Variants in CORO2B observed in about 807,000 individuals in gnomAD.
The protein encoded by CORO2B is coronin 2B.
Under a neutral mutation model 58.8 loss-of-function variants are expected in CORO2B, and 26 were observed. The ratio of observed to expected loss-of-function variants is 0.44; its 90% CI spans 0.32 to 0.61. The LOEUF (loss-of-function observed/expected upper bound fraction) is 0.61, where lower values mean the gene tolerates loss of function less well. Ranked by LOEUF, CORO2B falls within the 20% of genes least tolerant of loss-of-function variation. The pLI is 0.04. For missense variants in CORO2B, 460 were observed against 645.1 expected, an observed-to-expected ratio of 0.71 and a Z score of 3.11; for synonymous variants, 242 against 253.8, an observed-to-expected ratio of 0.95 and a Z score of 0.44.
intron 1 of CORO2B, among the ~76,000 whole-genome samples, chr15:68,586,745 T>G (rs1595952839): frequency 6.6e-6 from 1 of 151,772 alleles, no homozygotes; most frequent in Non-Finnish European, 1.5e-5. Context: ...ATAGGGAGGG[T>G]GGCCTGACCC....
At chr15:68,554,437 G>A in the CORO2B span, among the ~76,000 whole-genome samples, 336 of 152,254 alleles carry the variant, frequency 2.2e-3, no homozygotes, top group African/African-American at 7.6e-3. Flanking sequence ...CCAGCTGCCA[G>A]AGTCTAAGCT....
chr15:68,725,275 A>G (rs1208032949), intron 11 of CORO2B, among the ~76,000 whole-genome samples: 1 of 152,170 alleles, frequency 6.6e-6, no homozygotes, highest in Non-Finnish European at 1.5e-5. Context: ...AGGCTGAGGC[A>G]GGAGAATTGT....
At chr15:68,534,998 T>C in the CORO2B span, among the ~76,000 whole-genome samples, 7 of 152,240 alleles carry the variant, frequency 4.6e-5, 1 homozygote, top group Admixed American at 3.3e-4. Flanking sequence ...GATTCAGTTA[T>C]CTCCCACTGG....
intron 5 of CORO2B, 22 bp downstream of exon 5, chr15:68,711,728 G>C: frequency 6.2e-7 from 1 of 1,613,504 alleles, no homozygotes; most frequent in Non-Finnish European, 8.5e-7. Flanking sequence ...CATTTTTTGA[G>C]ATTGAAGGGG....
the CORO2B span, among the ~76,000 whole-genome samples, chr15:68,519,961 G>T: frequency 2.0e-5 from 3 of 152,086 alleles, no homozygotes; most frequent in African/African-American, 7.2e-5. Context: ...CATAAGTTTT[G>T]ATATATAATA....
intron 1 of CORO2B, among the ~76,000 whole-genome samples, chr15:68,585,448 C>G (rs780480351): frequency 8.5e-5 from 13 of 152,204 alleles, no homozygotes; most frequent in Non-Finnish European, 1.5e-5. Flanking sequence ...GGGGTAGATT[C>G]TATTATCCAT....
At chr15:68,708,570 G>A (rs1192954086) in intron 3 of CORO2B, among the ~76,000 whole-genome samples, 4 of 151,742 alleles carry the variant, frequency 2.6e-5, no homozygotes, top group African/African-American at 7.3e-5. Context: ...CTCCGTGTTA[G>A]CCAGGATGGT....
chr15:68,695,155 C>A lies in CORO2B; in HGVS notation c.232C>A (p.Pro78Thr), dbSNP rs1273892968. The A allele has an allele frequency of 3.7e-6, 6 of 1,613,760 alleles. No homozygotes were observed. Among genetic ancestry groups the A allele is most frequent in the Admixed American group, 1.7e-5 (1 of 59,992 alleles). ...IPLEQTGRIE[P>T]NYPKVCGHQG... The stretch of plus-strand genomic sequence containing the variant: ...TCCTCTGCAGACAGGCAGGATTGAA[C>A]CCAACTACCCCAAGGTCTGCGGCCA... Residue 78 changes from proline to threonine, a missense_variant, in exon 3 of 12, where the codon CCC becomes ACC. Around this residue, in one of 2 missense-constraint regions of CORO2B, gnomAD observed 352 missense variants for 543.0 expected, o/e 0.65. Transcript: ENST00000261861.
At chr15:68,603,777 G>A in intron 1 of CORO2B, among the ~76,000 whole-genome samples, 1 of 152,144 alleles carries the variant, frequency 6.6e-6, no homozygotes, top group East Asian at 1.9e-4. Context: ...CTTGATGTTG[G>A]ACTTACAGCC....
chr15:68,584,848 C>T (rs1239542878), intron 1 of CORO2B, among the ~76,000 whole-genome samples: 2 of 152,058 alleles, frequency 1.3e-5, no homozygotes, highest in African/African-American at 2.4e-5. Flanking sequence ...GCAGGCCTTG[C>T]CAGGGAAGGA....
intron 2 of CORO2B, among the ~76,000 whole-genome samples, chr15:68,648,288 C>T (rs188897628): frequency 9.5e-5 from 14 of 146,628 alleles, no homozygotes; most frequent in East Asian, 4.1e-4. Context: ...GGCGAGATTG[C>T]GCTACTGCAC....
chr15:68,707,942 T>G, intron 3 of CORO2B, among the ~76,000 whole-genome samples: 2 of 149,094 alleles, frequency 1.3e-5, no homozygotes, highest in Non-Finnish European at 3.0e-5. Context: ...CCTCCCCCAA[T>G]TCCCCCCCTC....
At chr15:68,587,443 G>A (rs764354962) in intron 1 of CORO2B, among the ~76,000 whole-genome samples, 7 of 152,140 alleles carry the variant, frequency 4.6e-5, no homozygotes, top group Non-Finnish European at 1.0e-4. Context: ...ATTTAACTCC[G>A]GAGATGTCTG....
the CORO2B span, among the ~76,000 whole-genome samples, chr15:68,571,695 C>T: frequency 6.6e-6 from 1 of 152,184 alleles, no homozygotes; most frequent in East Asian, 1.9e-4. Flanking sequence ...TCGCCCAAGG[C>T]ACTGCACAAG....
intron 1 of CORO2B, among the ~76,000 whole-genome samples, chr15:68,605,077 A>G (rs886509251): frequency 5.3e-5 from 8 of 151,734 alleles, no homozygotes; most frequent in Non-Finnish European, 7.4e-5. Context: ...TCATGCCACT[A>G]CACTCCAGTC....
rs988807241 is a variant in CORO2B at position 68,710,560 on chromosome 15, A to G, written c.334-172A>G. ...GAGATGGTCTCCTTCCTCTCCAGCC[A>G]CACCCTGAGACCTCCCAGCAGGCCT... On this transcript the variant is annotated intron_variant, in intron 3 of 11. Coordinates refer to ENST00000261861, the MANE Select transcript of CORO2B (RefSeq NM_006091.5). This position sits in a 1 kb window ranked among gnomAD's most constrained non-coding sequence, Gnocchi z 4.1. 3.3e-5 allele frequency among the ~76,000 whole-genome samples: 5 copies of G among 152,208 alleles called. No individual in the cohort carries two copies. The highest frequency in any genetic ancestry group is 1.2e-4 in the African/African-American group (5 of 41,450).
intron 2 of CORO2B, among the ~76,000 whole-genome samples, chr15:68,651,445 T>C (rs543943355): frequency 6.6e-6 from 1 of 152,308 alleles, no homozygotes; most frequent in South Asian, 2.1e-4. Flanking sequence ...TTATTTTAGC[T>C]CCAGTTTTCA....
At chr15:68,633,029 G>A (rs528105534) in intron 1 of CORO2B, among the ~76,000 whole-genome samples, 25 of 152,030 alleles carry the variant, frequency 1.6e-4, no homozygotes, top group African/African-American at 3.6e-4. Context: ...TCTTCCCTCC[G>A]CTTATGGCTT....
At chr15:68,648,886 T>A (rs1034944171) in intron 2 of CORO2B, among the ~76,000 whole-genome samples, 6 of 152,268 alleles carry the variant, frequency 3.9e-5, no homozygotes, top group Admixed American at 6.5e-5. Context: ...GCATGTCTAC[T>A]GACCTAGCAA....
Sources: allele counts gnomAD v4.1 joint callset (sites outside exome capture counted in the v4.1 genomes callset), GRCh38; gene constraint gnomAD v4.1.1; regional missense constraint gnomAD v4.1.1; non-coding constraint Gnocchi (gnomAD v3.1); transcripts MANE v1.5; gene names NCBI Gene and HGNC (gene_info 2026-07-23, HGNC 2026-07-21).